BRIP1: variants seen among roughly 807,000 people sequenced by gnomAD.
BRIP1 encodes Fanconi anemia group J protein.
A neutral mutation model predicts 119.7 loss-of-function variants in BRIP1; 88 were observed. The ratio of observed to expected loss-of-function variants is 0.74; its 90% CI spans 0.62 to 0.88. The LOEUF (loss-of-function observed/expected upper bound fraction) is 0.88. Ranked by LOEUF, BRIP1 falls within the 40% of genes least tolerant of loss-of-function variation. The pLI is 0.00. For missense variants in BRIP1, 1,259 were observed against 1,455.4 expected (o/e 0.87, Z 2.20); for synonymous variants, 443 against 496.5 (o/e 0.89, Z 1.43).
Position 61,700,576 on chromosome 17 carries a change from G to T in BRIP1, c.2493-7064C>A, listed in dbSNP as rs182954709. ...TATGATGAGTTATTTCTCTCTTGCC[G>T]CTTTCTAGATTCTGTCTTCTGGCTG... is the stretch of plus-strand genomic sequence containing the variant. On this transcript the variant is annotated intron_variant, in intron 17 of 19. Coordinates refer to ENST00000259008, the MANE Select transcript of BRIP1 (RefSeq NM_032043.3). The surrounding 1 kb of genome is among the most constrained non-coding windows in gnomAD (Gnocchi z 4.1). 6.6e-6 allele frequency among the ~76,000 whole-genome samples: 1 copy of T among 151,996 alleles called. No individual in the cohort carries two copies. The highest frequency in any genetic ancestry group is 1.5e-5 in the Non-Finnish European group (1 of 68,006).
At chr17:61,737,064 C>T (rs1410072950) in intron 16 of BRIP1, among the ~76,000 whole-genome samples, 1 of 151,612 alleles carries the variant, frequency 6.6e-6, no homozygotes, top group Non-Finnish European at 1.5e-5. Flanking sequence ...AAGGTAAATA[C>T]TAAAAACCAA....
At chr17:61,715,661 T>C (rs2061848677) in intron 17 of BRIP1, among the ~76,000 whole-genome samples, 1 of 152,228 alleles carries the variant, frequency 6.6e-6, no homozygotes, top group African/African-American at 2.4e-5. Flanking sequence ...TTTGATTTGA[T>C]AAGCTTTCTT....
chr17:61,786,985 T>G (rs1291567774), intron 10 of BRIP1, among the ~76,000 whole-genome samples: 4 of 7,098 alleles, frequency 5.6e-4, no homozygotes, highest in Non-Finnish European at 9.7e-4. Context: ...TATAAATTTA[T>G]ATAAATTTAT....
rs2061907880 is a variant in BRIP1, at chr17:61,717,916, C to T, written c.2380-1853G>A. On this transcript the variant is annotated intron_variant, in intron 16 of 19. Transcript: ENST00000259008. This position sits in a 1 kb window ranked among gnomAD's most constrained non-coding sequence, Gnocchi z 4.1. ...AAGATTTCAAGTTCACCAAATTTTC[C>T]TTCTGCAGTGTCTAATCCATCCAGT... 6.6e-6 allele frequency among the ~76,000 whole-genome samples: 1 copy of T among 151,998 alleles called. No individual in the cohort carries two copies. Among genetic ancestry groups the T allele is most frequent in the South Asian group, 2.1e-4 (1 of 4,818 alleles).
chr17:61,694,763 C>T (rs1044412692), intron 17 of BRIP1, among the ~76,000 whole-genome samples: 1 of 151,822 alleles, frequency 6.6e-6, no homozygotes, highest in African/African-American at 2.4e-5. Context: ...ATTTGCATTT[C>T]CCTAACAACC....
chr17:61,695,390 C>A lies in BRIP1; in HGVS notation c.2493-1878G>T, dbSNP rs1241777153. Among the ~76,000 whole-genome samples the A allele has an allele frequency of 1.3e-5, 2 of 152,110 alleles. No homozygotes were observed. The highest frequency in any genetic ancestry group is 2.9e-5 in the Non-Finnish European group (2 of 67,978). Reference sequence around the variant, plus strand: ...TACAACATAGTCTTGATTATTGTAGCTTTGTAGTAAGTTTGAAATAGAAAA... The same window carrying A: ...TACAACATAGTCTTGATTATTGTAGATTTGTAGTAAGTTTGAAATAGAAAA... On this transcript the variant is annotated intron_variant, in intron 17 of 19. Coordinates refer to ENST00000259008, the MANE Select transcript of BRIP1 (RefSeq NM_032043.3). This position sits in a 1 kb window ranked among gnomAD's most constrained non-coding sequence, Gnocchi z 4.3.
At chr17:61,790,414 C>T (rs12935923) in intron 10 of BRIP1, among the ~76,000 whole-genome samples, 119,021 of 151,542 alleles carry the variant, frequency 0.79, 47,293 homozygotes, top group African/African-American at 0.87. Context: ...GGTGTGGTGG[C>T]GCATGCCTGT....
intron 3 of BRIP1, among the ~76,000 whole-genome samples, chr17:61,859,245 C>A (rs796885203): frequency 6.6e-6 from 1 of 151,980 alleles, no homozygotes; most frequent in Non-Finnish European, 1.5e-5. Flanking sequence ...ATTTCCCCCC[C>A]CAAAAAAAGC....
rs894784461 is a variant in BRIP1 at position 61,806,179 on chromosome 17, G to C, written c.918+2288C>G. ...CATTTTAGCAGTGTAACACAACCCT[G>C]AGGAAGTCTGTCAATTGAAGTGTTA... On this transcript the variant is annotated intron_variant, in intron 7 of 19. Transcript: ENST00000259008. This position sits in a 1 kb window ranked among gnomAD's most constrained non-coding sequence, Gnocchi z 4.9. 4.6e-5 allele frequency among the ~76,000 whole-genome samples: 7 copies of C among 152,152 alleles called. No individual in the cohort carries two copies. Among genetic ancestry groups the C allele is most frequent in the African/African-American group, 1.7e-4 (7 of 41,436 alleles).
At chr17:61,712,729 C>T (rs2061797292) in intron 17 of BRIP1, among the ~76,000 whole-genome samples, 1 of 151,812 alleles carries the variant, frequency 6.6e-6, no homozygotes, top group South Asian at 2.1e-4. Context: ...CATGGTGAAA[C>T]CCCATCTCTA....
Position 61,691,075 on chromosome 17 carries a change from G to A in BRIP1, c.2575+2355C>T, listed in dbSNP as rs2061440190. On this transcript the variant is annotated intron_variant, in intron 18 of 19. Transcript: ENST00000259008. This position sits in a 1 kb window ranked among gnomAD's most constrained non-coding sequence, Gnocchi z 5.0. ...CAGGAAGGGGGACATCACACACCGG[G>A]GCCTGTTGTGGGGTGGGGGGAGAGG... Among the ~76,000 whole-genome samples the A allele has an allele frequency of 2.7e-5, 4 of 149,242 alleles. No homozygotes were observed.
Position 61,701,492 on chromosome 17 carries a change from C to T in BRIP1, c.2493-7980G>A, listed in dbSNP as rs1397148726. 6.6e-6 allele frequency among the ~76,000 whole-genome samples: 1 copy of T among 152,220 alleles called. No homozygotes were observed. Among genetic ancestry groups the T allele is most frequent in the Non-Finnish European group, 1.5e-5 (1 of 68,040 alleles). ...TGGGGCATAATTTCAATCCTCAGCACTGTAGGTAATAACTCTGATCTTGTT... is the reference window on the plus strand; with the variant it reads ...TGGGGCATAATTTCAATCCTCAGCATTGTAGGTAATAACTCTGATCTTGTT... On this transcript the variant is annotated intron_variant, in intron 17 of 19. Coordinates refer to ENST00000259008, the MANE Select transcript of BRIP1 (RefSeq NM_032043.3). This position sits in a 1 kb window ranked among gnomAD's most constrained non-coding sequence, Gnocchi z 5.1.
chr17:61,750,369 C>T (rs2077115410), intron 14 of BRIP1, among the ~76,000 whole-genome samples: 1 of 152,034 alleles, frequency 6.6e-6, no homozygotes, highest in Admixed American at 6.5e-5. Context: ...ATTAACTCAA[C>T]ATTGGTCAAA....
In BRIP1 at chr17:61,690,073, T is replaced by G. The variant is rs1372372789; in HGVS notation, c.2575+3357A>C. Among the ~76,000 whole-genome samples, 2 of 152,072 alleles carry G rather than the reference T, an allele frequency of 1.3e-5. No homozygotes were observed. Among genetic ancestry groups the G allele is most frequent in the Non-Finnish European group, 2.9e-5 (2 of 68,006 alleles). On this transcript the variant is annotated intron_variant, in intron 18 of 19. Coordinates refer to ENST00000259008, the MANE Select transcript of BRIP1 (RefSeq NM_032043.3). This position sits in a 1 kb window ranked among gnomAD's most constrained non-coding sequence, Gnocchi z 5.6. The stretch of plus-strand genomic sequence containing the variant: ...AGGAAGTGGGATGACATGTTTGAAG[T>G]GCTGAAAGAAAAAAACCTGCCAGTG...
chr17:61,849,333 G>A (rs2145768916), intron 4 of BRIP1, 77 bp from the exon 5 acceptor site: 1 of 1,245,470 alleles, frequency 8.0e-7, no homozygotes, highest in East Asian at 2.3e-5. Context: ...ACTGGAACCA[G>A]GATGTAAGGC....
At chr17:61,779,039 G>A (rs1436998275) in intron 13 of BRIP1, among the ~76,000 whole-genome samples, 2 of 151,944 alleles carry the variant, frequency 1.3e-5, no homozygotes, top group African/African-American at 4.8e-5. Flanking sequence ...GAAACCAGAA[G>A]GCATAATGAA....
chr17:61,744,326 T>G lies in BRIP1; in HGVS notation c.2257+106A>C. 1 of 1,249,708 alleles carries G rather than the reference T, an allele frequency of 8.0e-7. No homozygotes were observed. The highest frequency in any genetic ancestry group is 1.1e-6 in the Non-Finnish European group (1 of 885,866). 77.4% of individuals were successfully genotyped at this position (1,249,708 alleles called of 1,614,324 possible). A position where few individuals can be genotyped will look rare whatever the true frequency, so the allele number is the denominator to read the frequency against. The stretch of plus-strand genomic sequence containing the variant: ...TTTTCTTTTCACTCAGGATTATAAT[T>G]TTTCTCTTAAGTGTAATTCATCTAA... On this transcript the variant is annotated intron_variant, in intron 15 of 19. Coordinates refer to ENST00000259008, the MANE Select transcript of BRIP1 (RefSeq NM_032043.3). The surrounding 1 kb of genome is among the most constrained non-coding windows in gnomAD (Gnocchi z 5.0).
chr17:61,707,589 G>A (rs192662994), intron 17 of BRIP1, among the ~76,000 whole-genome samples: 10 of 151,996 alleles, frequency 6.6e-5, no homozygotes, highest in African/African-American at 2.4e-4. Context: ...TTCTCTTTTT[G>A]ATCTGGAAAA....
At chr17:61,836,875 A>C (rs1323924993) in intron 6 of BRIP1, among the ~76,000 whole-genome samples, 1 of 152,180 alleles carries the variant, frequency 6.6e-6, no homozygotes, top group Non-Finnish European at 1.5e-5. Flanking sequence ...AGTCATCTGG[A>C]AGAGTTTATT....
Sources: gnomAD v4.1 joint callset for allele counts (sites outside exome capture counted in the v4.1 genomes callset) on GRCh38, gnomAD v4.1.1 for gene constraint, Gnocchi (gnomAD v3.1) non-coding constraint, MANE v1.5 for transcripts, NCBI Gene and HGNC (gene_info 2026-07-23, HGNC 2026-07-21) for gene names.